CDH13: variants seen among roughly 807,000 people sequenced by gnomAD.
CDH13 encodes cadherin 13.
A neutral mutation model predicts 63.8 loss-of-function variants in CDH13; 24 were observed. The observed-to-expected ratio is 0.38, with a 90% CI of 0.27 to 0.53. The LOEUF (loss-of-function observed/expected upper bound fraction) is 0.53, where lower values mean the gene tolerates loss of function less well. CDH13 is among the 20% of genes least tolerant of loss of function. The pLI, the probability that CDH13 is intolerant of heterozygous loss-of-function variation, is 0.85. For synonymous variants in CDH13, 503 were observed against 355.3 expected, an observed-to-expected ratio of 1.42 and a Z score of -4.67; for missense variants, 1,049 against 903.1, an observed-to-expected ratio of 1.16 and a Z score of -2.07.
intron 7 of CDH13, chr16:83,508,347 C>G (rs1402767091): frequency 6.5e-6 from 1 of 154,576 alleles, no homozygotes; most frequent in East Asian, 1.9e-4. Flanking sequence ...TGCCCCATGG[C>G]TGCTTCTGTA....
chr16:83,666,161 G>A (rs1482855049), intron 8 of CDH13, among the ~76,000 whole-genome samples: 1 of 152,192 alleles, frequency 6.6e-6, no homozygotes, highest in Non-Finnish European at 1.5e-5. Flanking sequence ...CTCTAGTGTG[G>A]TAAATTAATG....
At chr16:82,842,792 T>C (rs2039088446) in intron 1 of CDH13, among the ~76,000 whole-genome samples, 1 of 151,940 alleles carries the variant, frequency 6.6e-6, no homozygotes, top group Admixed American at 6.6e-5. Context: ...CTTGTTTTCC[T>C]GCAACTAGAC....
intron 8 of CDH13, among the ~76,000 whole-genome samples, chr16:83,629,275 A>C (rs866696196): frequency 6.6e-6 from 1 of 152,246 alleles, no homozygotes; most frequent in Non-Finnish European, 1.5e-5. Context: ...TTCTCATAAG[A>C]TTTTAAAAAT....
chr16:83,512,075 A>G (rs1446531585), intron 7 of CDH13, among the ~76,000 whole-genome samples: 2 of 152,172 alleles, frequency 1.3e-5, no homozygotes, highest in Admixed American at 6.5e-5. Flanking sequence ...TAATTCCAGC[A>G]CTTTGGGAGG....
At chr16:83,258,004 T>C (rs538210028) in intron 5 of CDH13, among the ~76,000 whole-genome samples, 1 of 152,344 alleles carries the variant, frequency 6.6e-6, no homozygotes, top group East Asian at 1.9e-4. Flanking sequence ...TTGGTTTGCA[T>C]TTCTCTAATG....
chr16:83,485,414 C>T (rs762020550), intron 6 of CDH13, among the ~76,000 whole-genome samples: 16 of 152,230 alleles, frequency 1.1e-4, no homozygotes, highest in Non-Finnish European at 2.2e-4. Flanking sequence ...CAACACTCCA[C>T]ATGCTTGTTA....
In CDH13 at chr16:83,713,821, C is replaced by T. The variant is rs138996508; in HGVS notation, c.1539-34287C>T. Among the ~76,000 whole-genome samples, 10 of 152,316 alleles carry T rather than the reference C, an allele frequency of 6.6e-5. No individual in the cohort carries two copies. The East Asian group carries it at 1.9e-3, about 29-fold the overall frequency. ...CCAGTGACGTCAGCCCTGCATGTGC[C>T]GTCAGGGTGGGGCTATCAGGAATCT... On this transcript the variant is annotated intron_variant, in intron 10 of 13. Transcript: ENST00000567109.
At chr16:83,296,116 A>G (rs1248720602) in intron 5 of CDH13, among the ~76,000 whole-genome samples, 2 of 152,158 alleles carry the variant, frequency 1.3e-5, no homozygotes, top group African/African-American at 4.8e-5. Flanking sequence ...CTAGCTTTCC[A>G]CATTCTTAGC....
intron 3 of CDH13, among the ~76,000 whole-genome samples, chr16:83,064,265 A>T (rs2031820770): frequency 1.3e-5 from 2 of 152,140 alleles, no homozygotes; most frequent in Admixed American, 6.5e-5. Context: ...GCTATTCAAG[A>T]GGCTGAGATA....
At chr16:83,311,204 G>A (rs57649161) in intron 5 of CDH13, among the ~76,000 whole-genome samples, 4,191 of 152,230 alleles carry the variant, frequency 0.028, 175 homozygotes, top group African/African-American at 0.093. Flanking sequence ...AAATTCATCT[G>A]AAGTCTTGGT....
rs565452877 is a variant in CDH13 at position 83,707,332 on chromosome 16, C to G, written c.1538+28871C>G. ...TGAATTCCTCCATTCTATTTTATAA[C>G]TTTCTTAGGCCATTATTACCTCCTT... On this transcript the variant is annotated intron_variant, in intron 10 of 13. Coordinates refer to ENST00000567109, the MANE Select transcript of CDH13 (RefSeq NM_001257.5). Among the ~76,000 whole-genome samples the G allele has an allele frequency of 7.9e-5, 12 of 152,250 alleles. No homozygotes were observed. The East Asian group carries it at 2.1e-3, about 27-fold the overall frequency.
intron 1 of CDH13, among the ~76,000 whole-genome samples, chr16:82,663,250 G>A (rs1042049229): frequency 3.9e-5 from 6 of 152,274 alleles, no homozygotes; most frequent in Admixed American, 6.5e-5. Flanking sequence ...GCAATGGCGC[G>A]ATCTCGGCTC....
intron 5 of CDH13, among the ~76,000 whole-genome samples, chr16:83,278,772 G>C (rs2089072081): frequency 6.6e-6 from 1 of 152,174 alleles, no homozygotes; most frequent in African/African-American, 2.4e-5. Flanking sequence ...GAGAGCATCT[G>C]ATTCGCATTC....
chr16:83,356,020 G>A (rs924507807), intron 6 of CDH13, among the ~76,000 whole-genome samples: 6 of 152,142 alleles, frequency 3.9e-5, no homozygotes, highest in African/African-American at 1.4e-4. Context: ...ACAGCTGGTG[G>A]GTGATGAAGC....
chr16:82,930,966 G>A (rs945179997), intron 2 of CDH13, among the ~76,000 whole-genome samples: 4 of 152,186 alleles, frequency 2.6e-5, no homozygotes, highest in Admixed American at 2.6e-4. Flanking sequence ...TCCCCACAGG[G>A]GCAGCTTCCG....
At chr16:82,860,070 C>T (rs959888150) in intron 2 of CDH13, among the ~76,000 whole-genome samples, 1 of 152,108 alleles carries the variant, frequency 6.6e-6, no homozygotes, top group South Asian at 2.1e-4. Context: ...TCAAACAGAA[C>T]TTGATTTGTG....
At chr16:83,112,935 A>G (rs1013439823) in intron 3 of CDH13, among the ~76,000 whole-genome samples, 2 of 152,200 alleles carry the variant, frequency 1.3e-5, no homozygotes, top group African/African-American at 2.4e-5. Context: ...CAGCACTTAT[A>G]AAGGAGGAAA....
intron 6 of CDH13, among the ~76,000 whole-genome samples, chr16:83,425,434 G>A (rs1277744560): frequency 6.6e-6 from 1 of 152,218 alleles, no homozygotes; most frequent in Admixed American, 6.5e-5. Flanking sequence ...CCCACTCTTG[G>A]CCAGGGGCCA....
chr16:83,039,638 C>T (rs1723691397), intron 3 of CDH13, among the ~76,000 whole-genome samples: 2 of 152,144 alleles, frequency 1.3e-5, no homozygotes, highest in African/African-American at 4.8e-5. Context: ...GTGTGTTCAC[C>T]ACTCTATCCT....
Sources: gnomAD v4.1 joint callset for allele counts (sites outside exome capture counted in the v4.1 genomes callset) on GRCh38, gnomAD v4.1.1 for gene constraint, MANE v1.5 for transcripts, NCBI Gene and HGNC (gene_info 2026-07-23, HGNC 2026-07-21) for gene names.